GMEB1: variants seen among roughly 807,000 people sequenced by gnomAD.
GMEB1 encodes the protein glucocorticoid modulatory element-binding protein 1.
A neutral mutation model predicts 52.4 loss-of-function variants in GMEB1; 6 were observed. The ratio of observed to expected loss-of-function variants is 0.11; its 90% CI spans 0.06 to 0.23. GMEB1 has a LOEUF of 0.23. GMEB1 is among the 10% of genes least tolerant of loss of function. The pLI, the probability that GMEB1 is intolerant of heterozygous loss-of-function variation, is 1.00. For synonymous variants in GMEB1, 255 were observed against 244.9 expected (o/e 1.04, Z -0.38); for missense variants, 486 against 685.6 (o/e 0.71, Z 3.25).
chr1:28,692,196 G>A (rs1669997886), intron 4 of GMEB1, among the ~76,000 whole-genome samples: 1 of 150,828 alleles, frequency 6.6e-6, no homozygotes, highest in South Asian at 2.1e-4. Context: ...AGAGATGGGG[G>A]GTTTTGCTAT....
chr1:28,703,690 AAAAG>A (rs1448908400), intron 7 of GMEB1, among the ~76,000 whole-genome samples: 4 of 152,000 alleles, frequency 2.6e-5, no homozygotes, highest in Non-Finnish European at 5.9e-5. Flanking sequence ...AAAAAATAAA[AAAAG>A]AAAAGACATA....
intron 3 of GMEB1, 119 bp from the exon 4 acceptor site, chr1:28,691,466 A>C: frequency 1.7e-6 from 1 of 578,734 alleles, no homozygotes; most frequent in Non-Finnish European, 2.7e-6. Context: ...AGGATTCCTA[A>C]ATGATACCAG....
chr1:28,676,547 G>A (rs1449433123), intron 1 of GMEB1, among the ~76,000 whole-genome samples: 1 of 152,042 alleles, frequency 6.6e-6, no homozygotes, highest in Non-Finnish European at 1.5e-5. Context: ...CTAACACGGT[G>A]AAACCCTGTC....
intron 1 of GMEB1, among the ~76,000 whole-genome samples, chr1:28,678,443 T>G (rs147917714): frequency 1.0e-3 from 155 of 151,736 alleles, no homozygotes; most frequent in African/African-American, 3.6e-3. Context: ...CCGAGTAGCT[T>G]GGACTACAGG....
rs879212606 is a variant in GMEB1, at chr1:28,690,203, G to GGTTTTTTTTTTTTTTTTTTTTTT, written c.211+17_211+18insGTTTTTTTTTTTTTTTTTTTTTT. On this transcript the variant is annotated intron_variant, in intron 3 of 9. Transcript: ENST00000373816. ...AAGGGATTGGTAAGGGTTTTTTTGT[G>GGTTTTTTTTTTTTTTTTTTTTTT]TTTTTTTTTTTTTTTTTTTTTGTCA... The GGTTTTTTTTTTTTTTTTTTTTTT allele has an allele frequency of 2.3e-6, 1 of 440,238 alleles. No individual in the cohort carries two copies. 27.3% of individuals were successfully genotyped at this position (440,238 alleles called of 1,614,324 possible). A position where few individuals can be genotyped will look rare whatever the true frequency, so the allele number is the denominator to read the frequency against.
intron 2 of GMEB1, 68 bp downstream of exon 2, chr1:28,683,808 T>G: frequency 6.8e-7 from 1 of 1,461,668 alleles, no homozygotes; most frequent in South Asian, 1.2e-5. Context: ...AAATTATAAC[T>G]TTATGGTTGC....
intron 5 of GMEB1, among the ~76,000 whole-genome samples, chr1:28,695,992 T>G (rs1670190511): frequency 6.8e-6 from 1 of 148,040 alleles, no homozygotes; most frequent in Non-Finnish European, 1.5e-5. Context: ...ATGATTTGTA[T>G]GCAGAAATTA....
intron 1 of GMEB1, among the ~76,000 whole-genome samples, chr1:28,676,674 G>A (rs1045295046): frequency 2.6e-5 from 4 of 151,464 alleles, no homozygotes; most frequent in Admixed American, 1.3e-4. Flanking sequence ...TCAGTGAGCC[G>A]AGATCAGGGC....
At chr1:28,669,691 T>C (rs1668795278) in intron 1 of GMEB1, among the ~76,000 whole-genome samples, 1 of 151,864 alleles carries the variant, frequency 6.6e-6, no homozygotes, top group Admixed American at 6.6e-5. Flanking sequence ...ATGGAAGGTG[T>C]CTAGGTGCCT....
intron 8 of GMEB1, among the ~76,000 whole-genome samples, chr1:28,707,900 A>ATT (rs772064148): frequency 4.9e-5 from 7 of 144,234 alleles, no homozygotes; most frequent in Non-Finnish European, 4.6e-5. Flanking sequence ...AATACTGACA[A>ATT]TTTTTTTTTT....
At chr1:28,688,665 TG>T (rs1439111577) in intron 2 of GMEB1, among the ~76,000 whole-genome samples, 1 of 152,064 alleles carries the variant, frequency 6.6e-6, no homozygotes, top group Non-Finnish European at 1.5e-5. Context: ...AGTTTGGTTA[TG>T]GTACCTTAAA....
intron 2 of GMEB1, among the ~76,000 whole-genome samples, chr1:28,685,883 C>T (rs1008943346): frequency 3.3e-5 from 5 of 151,802 alleles, no homozygotes; most frequent in African/African-American, 9.7e-5. Context: ...CACTTGAACC[C>T]GGGAGGCGGA....
At chr1:28,697,843 T>C (rs1463831701) in intron 6 of GMEB1, among the ~76,000 whole-genome samples, 3 of 151,264 alleles carry the variant, frequency 2.0e-5, no homozygotes, top group Non-Finnish European at 4.4e-5. Context: ...AGGCAGATCA[T>C]GAAGTCAAGA....
chr1:28,709,221 C>T (rs373330952), intron 8 of GMEB1, among the ~76,000 whole-genome samples: 4 of 151,420 alleles, frequency 2.6e-5, no homozygotes, highest in Admixed American at 6.6e-5. Flanking sequence ...GCAGTCAAAT[C>T]GCTTGAACCT....
At position 28,698,376 on chromosome 1, in the gene GMEB1, T is replaced by TAAA. The variant is rs879350824; in HGVS notation, c.598+1304_598+1306dup. ...CTGGCAATAGAGCAAGACTCCGTCT[T>TAAA]AAAAAAAAAAAAAAGAAGCCTGGGC... is the stretch of plus-strand genomic sequence containing the variant. On this transcript the variant is annotated intron_variant, in intron 6 of 9. Transcript: ENST00000373816. 1.4e-3 allele frequency among the ~76,000 whole-genome samples: 189 copies of TAAA among 137,116 alleles called. 1 individual carries two copies. The highest frequency in any genetic ancestry group is 5.1e-3 in the African/African-American group (188 of 37,178). 90.0% of individuals were successfully genotyped at this position (137,116 alleles called of 152,430 possible).
chr1:28,707,387 C>G (rs1670835227), intron 8 of GMEB1, among the ~76,000 whole-genome samples: 1 of 151,914 alleles, frequency 6.6e-6, no homozygotes, highest in Admixed American at 6.6e-5. Context: ...AGAGTAGAAA[C>G]AAGACCAGTT....
rs1244321747 is a variant in GMEB1, at chr1:28,692,865, G to A, written c.337-77G>A. On this transcript the variant is annotated intron_variant, in intron 4 of 9. Transcript: ENST00000373816. ...GTATTTTTTATACAAATGATGTAGA[G>A]TTATCATTTCATTATTTCCCCTCTT... is the stretch of plus-strand genomic sequence containing the variant. 46 of 701,652 alleles carry A rather than the reference G, an allele frequency of 6.6e-5. No homozygotes were observed. The South Asian group carries it at 7.4e-4, about 11-fold the overall frequency. The allele number at this position is 701,652 out of a possible 1,614,324, so 43.5% of individuals were successfully genotyped here. A position where few individuals can be genotyped will look rare whatever the true frequency, so the allele number is the denominator to read the frequency against.
intron 3 of GMEB1, 133 bp from the exon 4 acceptor site, chr1:28,691,451 TC>T (rs1403242577): frequency 6.8e-5 from 32 of 473,264 alleles, no homozygotes; most frequent in African/African-American, 6.2e-4. Context: ...CCAAACTTCT[TC>T]CAGAGGATTC....
At chr1:28,709,820 A>G (rs560002741) in intron 8 of GMEB1, among the ~76,000 whole-genome samples, 95 of 152,076 alleles carry the variant, frequency 6.2e-4, no homozygotes, top group African/African-American at 2.2e-3. Flanking sequence ...AGAGACTGGG[A>G]TTACAAATGT....
Sources: allele counts gnomAD v4.1 joint callset (sites outside exome capture counted in the v4.1 genomes callset), GRCh38; gene constraint gnomAD v4.1.1; transcripts MANE v1.5; gene names NCBI Gene and HGNC (gene_info 2026-07-23, HGNC 2026-07-21).